PAN3: variants seen among roughly 807,000 people sequenced by gnomAD.
PAN3 encodes poly(A) specific ribonuclease subunit PAN3.
PAN3 carries 19 observed loss-of-function variants against 96.2 expected under a neutral mutation model. The observed-to-expected ratio is 0.20, with a 90% CI of 0.14 to 0.29. PAN3 has a LOEUF of 0.29. PAN3 is among the 10% of genes least tolerant of loss of function. The pLI, the probability that PAN3 is intolerant of heterozygous loss-of-function variation, is 1.00. For synonymous variants in PAN3, 433 were observed against 406.6 expected, an observed-to-expected ratio of 1.06 and a Z score of -0.78; for missense variants, 882 against 1,108.1, an observed-to-expected ratio of 0.80 and a Z score of 2.90.
intron 6 of PAN3, among the ~76,000 whole-genome samples, chr13:28,246,198 T>C (rs1884167858): frequency 1.3e-5 from 2 of 152,164 alleles, no homozygotes; most frequent in Non-Finnish European, 2.9e-5. Context: ...GTATGTGTTC[T>C]TTGGAAAAAA....
intron 6 of PAN3, among the ~76,000 whole-genome samples, chr13:28,233,568 G>GA (rs1882807847): frequency 6.6e-6 from 1 of 152,026 alleles, no homozygotes; most frequent in Non-Finnish European, 1.5e-5. Context: ...TGACCGGCCT[G>GA]GAAATTAAGA....
At chr13:28,180,780 G>A (rs1875667412) in intron 4 of PAN3, among the ~76,000 whole-genome samples, 1 of 152,094 alleles carries the variant, frequency 6.6e-6, no homozygotes, top group African/African-American at 2.4e-5. Flanking sequence ...GATTTACTGG[G>A]GTCAGAATAG....
intron 1 of PAN3, among the ~76,000 whole-genome samples, chr13:28,145,024 C>T (rs1870442129): frequency 6.6e-6 from 1 of 152,030 alleles, no homozygotes; most frequent in African/African-American, 2.4e-5. Context: ...GGCCCAATAT[C>T]ATCCTTTTAT....
intron 6 of PAN3, among the ~76,000 whole-genome samples, chr13:28,244,179 C>T (rs1174967278): frequency 6.6e-6 from 1 of 151,974 alleles, no homozygotes; most frequent in African/African-American, 2.4e-5. Flanking sequence ...GCAGACTAGC[C>T]CTTTATTAAG....
chr13:28,251,525 T>C (rs1401068985), intron 6 of PAN3, among the ~76,000 whole-genome samples: 1 of 152,326 alleles, frequency 6.6e-6, no homozygotes, highest in African/African-American at 2.4e-5. Flanking sequence ...TTCTCTCTTA[T>C]ACTTATGCAT....
chr13:28,183,977 C>G (rs1876125719), intron 4 of PAN3, among the ~76,000 whole-genome samples: 3 of 151,172 alleles, frequency 2.0e-5, no homozygotes, highest in Admixed American at 6.6e-5. Context: ...TGGCTACTCA[C>G]TCTGTATCAG....
chr13:28,251,824 G>A (rs1416160133), intron 6 of PAN3, among the ~76,000 whole-genome samples: 3 of 152,012 alleles, frequency 2.0e-5, no homozygotes, highest in Non-Finnish European at 2.9e-5. Flanking sequence ...CAAACTCCAC[G>A]ACATAACCTC....
chr13:28,181,825 A>G (rs1044167223), intron 4 of PAN3, among the ~76,000 whole-genome samples: 27 of 152,332 alleles, frequency 1.8e-4, no homozygotes, highest in South Asian at 1.2e-3. Flanking sequence ...ACCATGATTT[A>G]TAGGAGATTT....
intron 4 of PAN3, among the ~76,000 whole-genome samples, chr13:28,190,405 T>C (rs1186958027): frequency 6.6e-6 from 1 of 151,808 alleles, no homozygotes; most frequent in East Asian, 1.9e-4. Flanking sequence ...CACACCTGGC[T>C]TATTAAAAAA....
intron 4 of PAN3, among the ~76,000 whole-genome samples, chr13:28,189,724 C>T (rs761503280): frequency 2.0e-5 from 3 of 152,078 alleles, no homozygotes; most frequent in Non-Finnish European, 2.9e-5. Flanking sequence ...ACTCAAAGTG[C>T]GATCACCAGA....
At chr13:28,242,856 A>G (rs2138510977) in intron 6 of PAN3, among the ~76,000 whole-genome samples, 2 of 152,298 alleles carry the variant, frequency 1.3e-5, no homozygotes, top group Non-Finnish European at 2.9e-5. Flanking sequence ...AAAGTTTTGT[A>G]ATTATTCATG....
intron 5 of PAN3, among the ~76,000 whole-genome samples, chr13:28,209,471 G>A (rs1879773196): frequency 6.6e-6 from 1 of 152,158 alleles, no homozygotes; most frequent in South Asian, 2.1e-4. Context: ...TGAATCAGTA[G>A]TATAGGTGTC....
chr13:28,220,859 G>A (rs1420120118), intron 6 of PAN3, among the ~76,000 whole-genome samples: 1 of 152,126 alleles, frequency 6.6e-6, no homozygotes, highest in East Asian at 1.9e-4. Flanking sequence ...ATTTTAAATT[G>A]GGTAAAGTAT....
chr13:28,265,449 T>C (rs1376096865), intron 9 of PAN3, among the ~76,000 whole-genome samples: 1 of 152,250 alleles, frequency 6.6e-6, no homozygotes. Context: ...CCATGCCATG[T>C]AGAGATTATG....
At chr13:28,170,191 A>G (rs1874124151) in intron 1 of PAN3, among the ~76,000 whole-genome samples, 1 of 152,160 alleles carries the variant, frequency 6.6e-6, no homozygotes, top group Non-Finnish European at 1.5e-5. Flanking sequence ...TCTTCTATCA[A>G]AGTTGTGTAT....
intron 7 of PAN3, among the ~76,000 whole-genome samples, chr13:28,257,278 G>A (rs185766029): frequency 2.1e-3 from 316 of 152,268 alleles, no homozygotes; most frequent in African/African-American, 6.5e-3. Flanking sequence ...GTCAGGGGGC[G>A]AGAATGAATG....
At chr13:28,146,788 C>CA (rs1402539941) in intron 1 of PAN3, among the ~76,000 whole-genome samples, 1 of 152,068 alleles carries the variant, frequency 6.6e-6, no homozygotes. Flanking sequence ...CCATCCTGGC[C>CA]AACATGGAGA....
chr13:28,154,420 G>A (rs1871817256), intron 1 of PAN3, among the ~76,000 whole-genome samples: 1 of 151,946 alleles, frequency 6.6e-6, no homozygotes, highest in East Asian at 1.9e-4. Flanking sequence ...CCTTGCTGTG[G>A]CTATCTTGGT....
chr13:28,200,075 G>A (rs560443178), intron 5 of PAN3, among the ~76,000 whole-genome samples: 46 of 152,316 alleles, frequency 3.0e-4, no homozygotes, highest in Admixed American at 2.9e-3. Context: ...AGGTTAAACA[G>A]TTAGTAGAGG....
Sources: gnomAD v4.1 joint callset for allele counts (sites outside exome capture counted in the v4.1 genomes callset) on GRCh38, gnomAD v4.1.1 for gene constraint, MANE v1.5 for transcripts, NCBI Gene and HGNC (gene_info 2026-07-23, HGNC 2026-07-21) for gene names.